Variants in CDH9 observed in about 807,000 individuals in gnomAD.
The protein encoded by CDH9 is cadherin 9, also known as cadherin-9.
Under a neutral mutation model 70.9 loss-of-function variants are expected in CDH9, and 28 were observed. The observed-to-expected ratio is 0.40, with a 90% confidence interval of 0.29 to 0.54. The LOEUF is 0.54. CDH9 is among the 20% of genes least tolerant of loss of function. The probability of loss-of-function intolerance (pLI) is 0.59; values close to 1 mark genes in which losing one functional copy is unlikely to be tolerated. For missense variants in CDH9, 874 were observed against 984.4 expected (o/e 0.89, Z 1.50); for synonymous variants, 409 against 343.1 (o/e 1.19, Z -2.12).
chr5:26,904,585 T>C (rs1740913653), intron 5 of CDH9, among the ~76,000 whole-genome samples: 1 of 152,098 alleles, frequency 6.6e-6, no homozygotes, highest in Non-Finnish European at 1.5e-5. Flanking sequence ...GGGGCAGGTC[T>C]TAAGGAAATT....
At chr5:27,015,903 T>G (rs888124299) in intron 1 of CDH9, among the ~76,000 whole-genome samples, 2 of 151,786 alleles carry the variant, frequency 1.3e-5, no homozygotes, top group Non-Finnish European at 2.9e-5. Context: ...TATTTTTAGT[T>G]GATGATTTTG....
chr5:26,926,748 A>T (rs10039920), intron 2 of CDH9, among the ~76,000 whole-genome samples: 14,544 of 151,898 alleles, frequency 0.096, 874 homozygotes, highest in East Asian at 0.17. Context: ...AAAACAGATA[A>T]ATAGACCAAC....
At chr5:26,979,445 GA>G (rs1233020743) in intron 2 of CDH9, among the ~76,000 whole-genome samples, 1 of 113,154 alleles carries the variant, frequency 8.8e-6, no homozygotes, top group African/African-American at 3.4e-5. Flanking sequence ...AAAGATGATA[GA>G]AAAAAATTAA....
intron 2 of CDH9, among the ~76,000 whole-genome samples, chr5:26,971,107 C>T (rs542008928): frequency 1.3e-5 from 2 of 152,262 alleles, no homozygotes; most frequent in East Asian, 1.9e-4. Context: ...TGCTTCTTTT[C>T]AGCTTTATGC....
intron 1 of CDH9, among the ~76,000 whole-genome samples, chr5:27,023,831 C>T (rs1743179437): frequency 6.6e-6 from 1 of 151,928 alleles, no homozygotes; most frequent in South Asian, 2.1e-4. Flanking sequence ...GCCAGCGGAT[C>T]ACCTGAGGTC....
At chr5:26,996,438 A>G (rs2112100198) in intron 1 of CDH9, among the ~76,000 whole-genome samples, 1 of 152,092 alleles carries the variant, frequency 6.6e-6, no homozygotes, top group South Asian at 2.1e-4. Flanking sequence ...ATGTTGTTTG[A>G]TTCCTAGATT....
rs922867747 is a variant in CDH9, at chr5:26,930,067, T to C, written c.229-14143A>G. ...CATGCCATTTACCCTGATGTGATTATTGTGCATTGTATGCCTGTATCAAAA... is the reference window on the plus strand; with the variant it reads ...CATGCCATTTACCCTGATGTGATTACTGTGCATTGTATGCCTGTATCAAAA... On this transcript the variant is annotated intron_variant, in intron 2 of 11. Transcript: ENST00000231021. Among the ~76,000 whole-genome samples, 11 of 152,098 alleles carry C rather than the reference T, an allele frequency of 7.2e-5. No homozygotes were observed. The South Asian group carries it at 2.3e-3, about 32-fold the overall frequency.
intron 2 of CDH9, among the ~76,000 whole-genome samples, chr5:26,959,440 A>C (rs1741997560): frequency 6.6e-6 from 1 of 152,120 alleles, no homozygotes; most frequent in Admixed American, 6.5e-5. Context: ...GGTGAAAAAC[A>C]GGTTGATGGT....
At chr5:26,911,680 A>T (rs1449554191) in intron 3 of CDH9, among the ~76,000 whole-genome samples, 5 of 152,210 alleles carry the variant, frequency 3.3e-5, no homozygotes, top group Non-Finnish European at 4.4e-5. Flanking sequence ...ACAAGAAAAA[A>T]AAAAGTAGAA....
intron 1 of CDH9, among the ~76,000 whole-genome samples, chr5:27,011,764 A>G (rs889967077): frequency 1.3e-5 from 2 of 152,070 alleles, no homozygotes; most frequent in African/African-American, 4.8e-5. Context: ...TAATATGAAT[A>G]GTTTTTAAGT....
At chr5:27,030,020 G>C (rs1337831388) in intron 1 of CDH9, among the ~76,000 whole-genome samples, 2 of 152,002 alleles carry the variant, frequency 1.3e-5, no homozygotes. Flanking sequence ...ATTAAAGGTA[G>C]TAATAAGTAT....
At chr5:26,946,112 C>T (rs1741748085) in intron 2 of CDH9, among the ~76,000 whole-genome samples, 1 of 152,052 alleles carries the variant, frequency 6.6e-6, no homozygotes. Flanking sequence ...ACATAATGAT[C>T]TGAGTAAAAA....
At chr5:26,953,384 ATTACCATAGATATTGCTT>A (rs1741887593) in intron 2 of CDH9, among the ~76,000 whole-genome samples, 1 of 152,200 alleles carries the variant, frequency 6.6e-6, no homozygotes, top group Non-Finnish European at 1.5e-5. Context: ...TCTCCTAGAC[ATTACCATAGATATTGCTT>A]TAGTGAATTT....
chr5:26,907,634 A>C (rs1336553983), intron 3 of CDH9, among the ~76,000 whole-genome samples: 1 of 152,116 alleles, frequency 6.6e-6, no homozygotes, highest in African/African-American at 2.4e-5. Flanking sequence ...AGTGCTTTAA[A>C]AGCAGGGATC....
Position 26,885,641 on chromosome 5 carries a change from T to A in CDH9, c.1855A>T (p.Ile619Phe). The change falls in exon 11 of 12, where the codon ATT becomes TTT. Residue 619 changes from isoleucine to phenylalanine, a missense_variant. Coordinates refer to ENST00000231021, the MANE Select transcript of CDH9 (RefSeq NM_016279.4). Reference protein sequence around the residue: ...AGLSTGALVAILLCVLILLIL... With the variant: ...AGLSTGALVAFLLCVLILLIL... ...AGCAGTATGAGGACACAGAGTAGAA[T>A]CGCAACGAGAGCTCCCGTGCTCAGG... The A allele has an allele frequency of 6.2e-7, 1 of 1,613,486 alleles. No homozygotes were observed. Among genetic ancestry groups the A allele is most frequent in the Non-Finnish European group, 8.5e-7 (1 of 1,179,866 alleles).
intron 2 of CDH9, among the ~76,000 whole-genome samples, chr5:26,951,409 T>C (rs1312598488): frequency 6.6e-6 from 1 of 152,010 alleles, no homozygotes; most frequent in Non-Finnish European, 1.5e-5. Context: ...GGAGAATACT[T>C]ACCTTTAGAT....
At chr5:27,020,894 C>A (rs984460538) in intron 1 of CDH9, among the ~76,000 whole-genome samples, 2 of 151,664 alleles carry the variant, frequency 1.3e-5, no homozygotes, top group African/African-American at 2.4e-5. Context: ...AACCCTCATA[C>A]AATTGACGGT....
chr5:27,026,594 A>T (rs1046051765), intron 1 of CDH9, among the ~76,000 whole-genome samples: 1 of 151,984 alleles, frequency 6.6e-6, no homozygotes, highest in African/African-American at 2.4e-5. Flanking sequence ...CTTGTGATTA[A>T]AAACTTTGTA....
intron 2 of CDH9, among the ~76,000 whole-genome samples, chr5:26,920,404 G>T (rs1312074670): frequency 6.6e-6 from 1 of 151,978 alleles, no homozygotes; most frequent in Non-Finnish European, 1.5e-5. Context: ...TGGATATTGG[G>T]TGGCATCTCT....
Sources: gnomAD v4.1 joint callset for allele counts (sites outside exome capture counted in the v4.1 genomes callset) on GRCh38, gnomAD v4.1.1 for gene constraint, MANE v1.5 for transcripts, NCBI Gene and HGNC (gene_info 2026-07-23, HGNC 2026-07-21) for gene names.